PTPN21: variants seen among roughly 807,000 people sequenced by gnomAD.
The protein encoded by PTPN21 is protein tyrosine phosphatase non-receptor type 21.
In PTPN21, 77 loss-of-function variants were observed where a neutral mutation model predicts 131.8. The ratio of observed to expected loss-of-function variants is 0.58; its 90% CI spans 0.49 to 0.71. The LOEUF is 0.71. Ranked by LOEUF, PTPN21 falls within the 30% of genes least tolerant of loss-of-function variation. The probability of loss-of-function intolerance (pLI) is 0.00; values close to 1 mark genes in which losing one functional copy is unlikely to be tolerated. For missense variants in PTPN21, 1,552 were observed against 1,527.1 expected (o/e 1.02, Z -0.27); for synonymous variants, 715 against 621.3 (o/e 1.15, Z -2.24).
chr14:88,496,613 C>T (rs2077921209), intron 9 of PTPN21, 121 bp from the exon 10 acceptor site: 1 of 729,534 alleles, frequency 1.4e-6, no homozygotes, highest in Non-Finnish European at 2.4e-6. Context: ...TTTCAGAACA[C>T]TATAAGCCTT....
intron 2 of PTPN21, among the ~76,000 whole-genome samples, chr14:88,530,017 G>A (rs2139337618): frequency 6.6e-6 from 1 of 151,780 alleles, no homozygotes. Flanking sequence ...AATCTTAGGA[G>A]CTGTGAGGCA....
chr14:88,547,013 T>C (rs2078792613), intron 2 of PTPN21, among the ~76,000 whole-genome samples: 1 of 152,182 alleles, frequency 6.6e-6, no homozygotes, highest in Admixed American at 6.5e-5. Flanking sequence ...CCATGCCTGT[T>C]TCCTCTTCTG....
chr14:88,491,989 C>T lies in PTPN21; in HGVS notation c.932+4424G>A, dbSNP rs544604055. On this transcript the variant is annotated intron_variant, in intron 10 of 18. Coordinates refer to ENST00000556564, the MANE Select transcript of PTPN21 (RefSeq NM_007039.4). The stretch of plus-strand genomic sequence containing the variant: ...CATAATCAATCATTTGTTGCTTTTC[C>T]CTCTTCCCTCTTTTACTTATTACAA... Among the ~76,000 whole-genome samples, 24 of 151,414 alleles carry T rather than the reference C, an allele frequency of 1.6e-4. No homozygotes were observed. In the South Asian group the frequency reaches 4.8e-3, roughly 30 times the overall value.
chr14:88,497,327 G>A, intron 8 of PTPN21, 37 bp from the exon 9 acceptor site: 1 of 1,488,558 alleles, frequency 6.7e-7, no homozygotes, highest in Non-Finnish European at 9.4e-7. Flanking sequence ...CAATGTGAGT[G>A]CCCATGGGGG....
At chr14:88,501,925 C>T (rs1296829669) in intron 6 of PTPN21, among the ~76,000 whole-genome samples, 1 of 151,628 alleles carries the variant, frequency 6.6e-6, no homozygotes, top group Non-Finnish European at 1.5e-5. Flanking sequence ...TTCAAGGATG[C>T]AGTGAGCTAT....
In PTPN21 at chr14:88,550,533, C is replaced by T; in HGVS notation, c.-116G>A. ...CCGGATGGGACGAACACTGTCCGGC[C>T]TCCAGCTGCTCACCCAGCAGCCGCT... On this transcript the variant is annotated 5_prime_UTR_variant, in exon 2 of 19. Coordinates refer to ENST00000556564, the MANE Select transcript of PTPN21 (RefSeq NM_007039.4). 1 of 997,306 alleles carries T rather than the reference C, an allele frequency of 1.0e-6. No homozygotes were observed. The highest frequency in any genetic ancestry group is 1.4e-6 in the Non-Finnish European group (1 of 692,930). The allele number at this position is 997,306 out of a possible 1,614,324, so 61.8% of individuals were successfully genotyped here. A position where few individuals can be genotyped will look rare whatever the true frequency, so the allele number is the denominator to read the frequency against.
At position 88,469,169 on chromosome 14, in the gene PTPN21, G is replaced by A. The variant is rs2077414131; in HGVS notation, c.3236-93C>T. ...TCATATTCTCTCCACTGATTAAGAG[G>A]ACTGCAGATAAAGAGCACTGGGTGC... On this transcript the variant is annotated intron_variant, in intron 17 of 18. Transcript: ENST00000556564. The surrounding 1 kb of genome is among the most constrained non-coding windows in gnomAD (Gnocchi z 4.3). 2.2e-6 allele frequency: 3 copies of A among 1,372,756 alleles called. No homozygotes were observed. The South Asian group carries it at 4.3e-5, about 20-fold the overall frequency. 85.0% of individuals were successfully genotyped at this position (1,372,756 alleles called of 1,614,324 possible).
At chr14:88,522,585 T>C (rs1040922158) in intron 2 of PTPN21, among the ~76,000 whole-genome samples, 9 of 152,288 alleles carry the variant, frequency 5.9e-5, no homozygotes, top group South Asian at 2.1e-4. Flanking sequence ...TGCGTAACTA[T>C]TGTAGTTAAA....
chr14:88,544,421 T>C (rs564906125), intron 2 of PTPN21, among the ~76,000 whole-genome samples: 1 of 152,264 alleles, frequency 6.6e-6, no homozygotes, highest in South Asian at 2.1e-4. Flanking sequence ...TAGGAGTCAC[T>C]AATAACAATA....
Position 88,480,482 on chromosome 14 carries a change from G to C in PTPN21, c.1079-130C>G, listed in dbSNP as rs2077637747. On this transcript the variant is annotated intron_variant, in intron 12 of 18. Transcript: ENST00000556564. The stretch of plus-strand genomic sequence containing the variant: ...TAAAAATCCCCGCTAGAATGACCTA[G>C]CTTTAGCCACACTATCTGAGTGACC... 2.4e-5 allele frequency: 18 copies of C among 755,534 alleles called. No homozygotes were observed. The South Asian group carries it at 3.3e-4, about 14-fold the overall frequency. The allele number at this position is 755,534 out of a possible 1,614,324, so 46.8% of individuals were successfully genotyped here.
At chr14:88,499,064 T>C (rs1453778018) in intron 8 of PTPN21, among the ~76,000 whole-genome samples, 1 of 152,178 alleles carries the variant, frequency 6.6e-6, no homozygotes, top group Admixed American at 6.6e-5. Context: ...ATGTGACACT[T>C]TGGGCACCAT....
chr14:88,495,005 T>A (rs1313135310), intron 10 of PTPN21, among the ~76,000 whole-genome samples: 1 of 106,864 alleles, frequency 9.4e-6, no homozygotes, highest in Non-Finnish European at 1.8e-5. Flanking sequence ...AGAGCGAGAC[T>A]CTGTCTCCAA....
In PTPN21 at chr14:88,550,384, T is replaced by G; in HGVS notation, c.34A>C (p.Thr12Pro). ...TTGCTGGACACCGTGTAGCGCCGGG[T>G]GCGTTTCAGTTTCAACCCAAATGGC... The part of the protein sequence containing the change: ...PLPFGLKLKR[T>P]RRYTVSSKSC... Residue 12 changes from threonine (T) to proline (P), a missense_variant, in exon 2 of 19, where the codon ACC (threonine) becomes CCC (proline). Around this residue, in one of 4 missense-constraint regions of PTPN21, gnomAD observed 206 missense variants for 221.6 expected, o/e 0.93. Coordinates refer to ENST00000556564, the MANE Select transcript of PTPN21 (RefSeq NM_007039.4). The G allele has an allele frequency of 6.2e-7, 1 of 1,614,074 alleles. No individual in the cohort carries two copies. Among genetic ancestry groups the G allele is most frequent in the Admixed American group, 1.7e-5 (1 of 59,998 alleles).
chr14:88,474,363 T>C (rs1247114463), intron 13 of PTPN21, among the ~76,000 whole-genome samples: 5 of 151,928 alleles, frequency 3.3e-5, no homozygotes, highest in African/African-American at 1.2e-4. Flanking sequence ...CTAATCTTTG[T>C]GTGTTTTGTA....
intron 4 of PTPN21, among the ~76,000 whole-genome samples, chr14:88,506,345 A>C (rs2078086952): frequency 6.6e-6 from 1 of 152,206 alleles, no homozygotes; most frequent in Non-Finnish European, 1.5e-5. Flanking sequence ...CTCCAAAAAA[A>C]GGAAAATACA....
intron 18 of PTPN21, 31 bp from the exon 19 acceptor site, chr14:88,468,296 T>C (rs370025019): frequency 3.2e-6 from 5 of 1,568,416 alleles, no homozygotes; most frequent in African/African-American, 2.7e-5. Context: ...ATGAAGATAA[T>C]GTGTTCCCCT....
intron 2 of PTPN21, among the ~76,000 whole-genome samples, chr14:88,518,412 ATATTTTTTTTTTTTTTT>A (rs1280159946): frequency 1.9e-4 from 3 of 15,902 alleles, no homozygotes; most frequent in African/African-American, 5.2e-4. Context: ...ATATATATAT[ATATTTTTTTTTTTTTTT>A]TTTTTTTTTT....
chr14:88,498,096 T>C (rs2077951030), intron 8 of PTPN21, among the ~76,000 whole-genome samples: 1 of 139,382 alleles, frequency 7.2e-6, no homozygotes, highest in East Asian at 2.1e-4. Context: ...AATGAAACTC[T>C]GTCTAAAAAA....
At chr14:88,519,656 A>G (rs938227736) in intron 2 of PTPN21, among the ~76,000 whole-genome samples, 1 of 152,192 alleles carries the variant, frequency 6.6e-6, no homozygotes, top group East Asian at 1.9e-4. Flanking sequence ...TAAGAACTAT[A>G]CCTTTAAAAT....
Sources: allele counts gnomAD v4.1 joint callset (sites outside exome capture counted in the v4.1 genomes callset), GRCh38; gene constraint gnomAD v4.1.1; regional missense constraint gnomAD v4.1.1; non-coding constraint Gnocchi (gnomAD v3.1); transcripts MANE v1.5; gene names NCBI Gene and HGNC (gene_info 2026-07-23, HGNC 2026-07-21).